MYO3A: variants seen among roughly 807,000 people sequenced by gnomAD.
The protein encoded by MYO3A is myosin IIIA.
A neutral mutation model predicts 192.7 loss-of-function variants in MYO3A; 180 were observed. That is an observed-to-expected ratio of 0.93 (90% CI 0.83 to 1.06). MYO3A has a LOEUF of 1.06. Among genes scored for constraint, MYO3A ranks in the 50% least tolerant of loss-of-function variants. MYO3A has a pLI of 0.00. For missense variants in MYO3A, 1,896 were observed against 1,905.0 expected (o/e 1.00, Z 0.09); for synonymous variants, 628 against 645.3 (o/e 0.97, Z 0.41).
chr10:25,956,634 A>T (rs1024148051), intron 4 of MYO3A, among the ~76,000 whole-genome samples: 32 of 151,856 alleles, frequency 2.1e-4, no homozygotes, highest in African/African-American at 7.5e-4. Flanking sequence ...TGGTTTTTAA[A>T]TGATTCTACA....
chr10:25,985,093 C>G (rs992044232), intron 4 of MYO3A, among the ~76,000 whole-genome samples: 11 of 152,010 alleles, frequency 7.2e-5, no homozygotes, highest in African/African-American at 2.7e-4. Flanking sequence ...AAAAAATTAG[C>G]CAGGCATGGC....
chr10:25,991,416 CT>C (rs1840022391), intron 4 of MYO3A, among the ~76,000 whole-genome samples: 1 of 152,080 alleles, frequency 6.6e-6, no homozygotes, highest in Non-Finnish European at 1.5e-5. Context: ...GATATTAGCC[CT>C]TTGTCAGATG....
At chr10:26,037,751 G>T (rs1843115902) in intron 10 of MYO3A, among the ~76,000 whole-genome samples, 2 of 152,142 alleles carry the variant, frequency 1.3e-5, no homozygotes, top group Non-Finnish European at 2.9e-5. Flanking sequence ...GACCTCAGGA[G>T]ACTTACCATC....
intron 11 of MYO3A, 23 bp downstream of exon 11, chr10:26,067,097 A>G (rs1467414805): frequency 6.8e-7 from 1 of 1,463,310 alleles, no homozygotes; most frequent in East Asian, 2.3e-5. Context: ...GTTTAATTAA[A>G]CTTAGACATT....
rs998018833 is a variant in MYO3A, at chr10:26,157,340, G to A, written c.2824G>A (p.Val942Met). Residue 942 changes from valine to methionine, a missense_variant, in exon 26 of 35, where the codon GTG becomes ATG. Physicochemically the swap from Val to Met is conservative, Grantham distance 21. Transcript: ENST00000642920. The stretch of plus-strand genomic sequence containing the variant: ...CCTGATGGATTTGTTGTCTAAAATG[G>A]TGGTGGGCCAACCTCATTTTGTCCG... The part of the protein sequence containing the change: ...YSLMDLLSKM[V>M]VGQPHFVRCI... The A allele has an allele frequency of 1.9e-6, 3 of 1,614,076 alleles. No individual in the cohort carries two copies. Among genetic ancestry groups the A allele is most frequent in the Non-Finnish European group, 2.5e-6 (3 of 1,179,968 alleles).
chr10:26,085,168 T>G (rs1235625295), intron 14 of MYO3A, among the ~76,000 whole-genome samples: 2 of 140,952 alleles, frequency 1.4e-5, no homozygotes, highest in Non-Finnish European at 3.2e-5. Context: ...TTAGACTAGT[T>G]AAGGGTTTGT....
At chr10:26,102,803 C>T (rs189716775) in intron 17 of MYO3A, among the ~76,000 whole-genome samples, 2 of 152,328 alleles carry the variant, frequency 1.3e-5, no homozygotes, top group Admixed American at 6.5e-5. Context: ...AGGTGTCAGT[C>T]GGCCCCTACT....
In MYO3A at chr10:26,120,703, G is replaced by T. The variant is rs577307230; in HGVS notation, c.1804G>T (p.Ala602Ser). 1.2e-6 allele frequency: 2 copies of T among 1,614,010 alleles called. No homozygotes were observed. Among genetic ancestry groups the T allele is most frequent in the Admixed American group, 1.7e-5 (1 of 60,010 alleles). The part of the protein sequence containing the change: ...EQLGSIYSIL[A>S]AILNVGNIEF... ...ACTTGGTAGTATATACAGCATACTC[G>T]CTGCAATCTTGAATGTTGGCAACAT... Residue 602 changes from alanine (A) to serine (S), a missense_variant, in exon 18 of 35, where the codon GCT becomes TCT. Physicochemically the swap from Ala to Ser is moderately conservative, Grantham distance 99. Coordinates refer to ENST00000642920, the MANE Select transcript of MYO3A (RefSeq NM_017433.5).
chr10:26,058,637 C>T (rs1166013029), intron 10 of MYO3A, among the ~76,000 whole-genome samples: 1 of 152,190 alleles, frequency 6.6e-6, no homozygotes, highest in Admixed American at 6.5e-5. Context: ...TGAAATTGCA[C>T]AGTGTCAGTC....
intron 17 of MYO3A, among the ~76,000 whole-genome samples, chr10:26,099,944 T>A (rs530078841): frequency 1.3e-5 from 2 of 152,316 alleles, no homozygotes; most frequent in East Asian, 3.9e-4. Context: ...TTAGGGAGGA[T>A]TCCCTCTTTT....
chr10:26,102,796 T>G (rs1483765696), intron 17 of MYO3A, among the ~76,000 whole-genome samples: 1 of 152,160 alleles, frequency 6.6e-6, no homozygotes, highest in Non-Finnish European at 1.5e-5. Context: ...CTATATGAGG[T>G]GTCAGTCGGC....
In MYO3A at chr10:25,975,471, C is replaced by T. The variant is rs545166455; in HGVS notation, c.303+20463C>T. 2.3e-4 allele frequency among the ~76,000 whole-genome samples: 35 copies of T among 152,262 alleles called. No individual in the cohort carries two copies. The South Asian group carries it at 4.4e-3, about 19-fold the overall frequency. On this transcript the variant is annotated intron_variant, in intron 4 of 34. Transcript: ENST00000642920. Reference sequence around the variant, plus strand: ...TATCAAAGAAGAGGGTGTAACAACACGTGTCCAACTTATCCCATCATGGCT... The same window carrying T: ...TATCAAAGAAGAGGGTGTAACAACATGTGTCCAACTTATCCCATCATGGCT...
chr10:25,955,083 G>A (rs1837456588), intron 4 of MYO3A, 75 bp downstream of exon 4: 20 of 1,548,356 alleles, frequency 1.3e-5, no homozygotes, highest in Non-Finnish European at 1.7e-5. Flanking sequence ...TACTATTTAT[G>A]TAACATTGAT....
rs147673224 is a variant in MYO3A at position 26,021,964 on chromosome 10, T to C, written c.731+316T>C. 29 of 331,024 alleles carry C rather than the reference T, an allele frequency of 8.8e-5. 1 individual carries two copies. In the East Asian group the frequency reaches 2.0e-3, roughly 23 times the overall value. 20.5% of individuals were successfully genotyped at this position (331,024 alleles called of 1,614,324 possible). On this transcript the variant is annotated intron_variant, in intron 8 of 34. Transcript: ENST00000642920. ...TGAGTCAGTGAGGCATCAGAGTCCATAGCCTGTGCAAGTGTTTTGCTTTGC... is the reference window on the plus strand; with the variant it reads ...TGAGTCAGTGAGGCATCAGAGTCCACAGCCTGTGCAAGTGTTTTGCTTTGC...
At chr10:25,982,516 AAC>A (rs1302680845) in intron 4 of MYO3A, among the ~76,000 whole-genome samples, 2 of 152,016 alleles carry the variant, frequency 1.3e-5, no homozygotes, top group African/African-American at 4.8e-5. Context: ...ACTAAACAAA[AAC>A]ACAACCAAAG....
At chr10:26,040,380 G>GA (rs1843276484) in intron 10 of MYO3A, among the ~76,000 whole-genome samples, 1 of 152,052 alleles carries the variant, frequency 6.6e-6, no homozygotes, top group Non-Finnish European at 1.5e-5. Context: ...TGCATCAAAT[G>GA]AATCTTCAGC....
At chr10:25,956,653 A>G (rs566146304) in intron 4 of MYO3A, among the ~76,000 whole-genome samples, 1 of 151,962 alleles carries the variant, frequency 6.6e-6, no homozygotes, top group African/African-American at 2.4e-5. Context: ...CAAATAATAG[A>G]TGATCATTGT....
rs1835978334 is a variant in MYO3A, at chr10:26,081,853, T to C, written c.1360-6350T>C. On this transcript the variant is annotated intron_variant, in intron 14 of 34. Transcript: ENST00000642920. Reference sequence around the variant, plus strand: ...ACCTTCTCAGCTTCTCCAGTGGGGATGTGTGTTCGGGAGAGGAGGGTCTTC... The same window carrying C: ...ACCTTCTCAGCTTCTCCAGTGGGGACGTGTGTTCGGGAGAGGAGGGTCTTC... 5.9e-5 allele frequency among the ~76,000 whole-genome samples: 9 copies of C among 152,300 alleles called. No individual in the cohort carries two copies. In the South Asian group the frequency reaches 1.9e-3, roughly 32 times the overall value.
chr10:25,979,228 T>C (rs776863044), intron 4 of MYO3A, among the ~76,000 whole-genome samples: 1 of 152,188 alleles, frequency 6.6e-6, no homozygotes, highest in African/African-American at 2.4e-5. Flanking sequence ...TTTGCAGTTA[T>C]TAGAGTGAAT....
Sources: gnomAD v4.1 joint callset for allele counts (sites outside exome capture counted in the v4.1 genomes callset) on GRCh38, gnomAD v4.1.1 for gene constraint, MANE v1.5 for transcripts, NCBI Gene and HGNC (gene_info 2026-07-23, HGNC 2026-07-21) for gene names.